ZNF554: variants seen among roughly 807,000 people sequenced by gnomAD.
ZNF554 encodes zinc finger protein 554.
In ZNF554, 15 loss-of-function variants were observed where a neutral mutation model predicts 21.2. That is an observed-to-expected ratio of 0.71 (90% CI 0.47 to 1.09). The LOEUF (loss-of-function observed/expected upper bound fraction) is 1.09, where lower values mean the gene tolerates loss of function less well. Ranked by LOEUF, ZNF554 falls within the 50% of genes least tolerant of loss-of-function variation. The probability of loss-of-function intolerance (pLI) is 0.00; values close to 1 mark genes in which losing one functional copy is unlikely to be tolerated. For synonymous variants in ZNF554, 258 were observed against 251.4 expected (o/e 1.03, Z -0.25); for missense variants, 691 against 662.7 (o/e 1.04, Z -0.47).
chr19:2,822,073 T>C (rs1022624623), intron 1 of ZNF554, among the ~76,000 whole-genome samples: 2 of 151,352 alleles, frequency 1.3e-5, no homozygotes, highest in African/African-American at 2.4e-5. Flanking sequence ...CTTTTTGAGA[T>C]AGAGTCTTGC....
rs554549026 is a variant in ZNF554 at position 2,828,092 on chromosome 19, G to T, written c.253+349G>T. Reference sequence around the variant, plus strand: ...ATCTCCCCCTGGCTCCACCCTTGACGTCGGGATTATTACAATTCAAGGTGA... The same window carrying T: ...ATCTCCCCCTGGCTCCACCCTTGACTTCGGGATTATTACAATTCAAGGTGA... On this transcript the variant is annotated intron_variant, in intron 3 of 4. Coordinates refer to ENST00000317243, the MANE Select transcript of ZNF554 (RefSeq NM_001102651.2). Among the ~76,000 whole-genome samples, 4 of 152,218 alleles carry T rather than the reference G, an allele frequency of 2.6e-5. No individual in the cohort carries two copies. The East Asian group carries it at 5.8e-4, about 22-fold the overall frequency.
chr19:2,827,113 A>G (rs1408901233), intron 2 of ZNF554, among the ~76,000 whole-genome samples: 1 of 152,204 alleles, frequency 6.6e-6, no homozygotes, highest in Non-Finnish European at 1.5e-5. Context: ...TCTTCTGACT[A>G]TGGCAATAGC....
intron 1 of ZNF554, 73 bp downstream of exon 1, chr19:2,820,197 C>T (rs754305402): frequency 5.8e-5 from 69 of 1,189,806 alleles, no homozygotes; most frequent in Non-Finnish European, 7.0e-5. Flanking sequence ...CTGGGTCTGG[C>T]GGGGCCGGGT....
At chr19:2,820,269 C>T in intron 1 of ZNF554, 145 bp downstream of exon 1, 3 of 765,442 alleles carry the variant, frequency 3.9e-6, no homozygotes, top group Non-Finnish European at 5.2e-6. Flanking sequence ...CGGCAGCTCG[C>T]CCAGGGCCCC....
chr19:2,827,693 A>G lies in ZNF554; in HGVS notation c.203A>G (p.Asn68Ser). The G allele has an allele frequency of 6.2e-7, 1 of 1,614,102 alleles. No individual in the cohort carries two copies. The highest frequency in any genetic ancestry group is 8.5e-7 in the Non-Finnish European group (1 of 1,179,982). Residue 68 changes from asparagine to serine, a missense_variant, in exon 3 of 5, where the codon AAC (asparagine) becomes AGC (serine). Asn to Ser is a conservative substitution (Grantham distance 46). Transcript: ENST00000317243. ...EWELLEPAQK[N>S]LYREVMLENY... is the part of the protein sequence containing the mutation. Reference sequence around the variant, plus strand: ...GAGTTGCTGGAGCCTGCTCAGAAGAACCTGTACAGAGAGGTGATGCTGGAG... The same window carrying G: ...GAGTTGCTGGAGCCTGCTCAGAAGAGCCTGTACAGAGAGGTGATGCTGGAG...
Position 2,832,353 on chromosome 19 carries a change from T to G in ZNF554, c.304T>G (p.Ser102Ala), listed in dbSNP as rs746328263. Residue 102 changes from serine (S) to alanine (A), a missense_variant, in exon 4 of 5, where the codon TCC (serine) becomes GCC (alanine). Transcript: ENST00000317243. ...TGTGGGGATTAAAGAGGGTCCACTT[T>G]CCCCAGCACAAACCTCACAAGTCAC... ...TDVGIKEGPL[S>A]PAQTSQVTSL... 6.2e-6 allele frequency: 10 copies of G among 1,612,888 alleles called. No homozygotes were observed. Among genetic ancestry groups the G allele is most frequent in the African/African-American group, 1.3e-5 (1 of 74,804 alleles).
At chr19:2,828,431 G>A (rs1270662039) in intron 3 of ZNF554, among the ~76,000 whole-genome samples, 1 of 152,192 alleles carries the variant, frequency 6.6e-6, no homozygotes, top group Non-Finnish European at 1.5e-5. Flanking sequence ...GGTGGCTCAT[G>A]CCTGTTATCC....
Position 2,828,864 on chromosome 19 carries a change from C to T in ZNF554, c.253+1121C>T, listed in dbSNP as rs543509538. Among the ~76,000 whole-genome samples the T allele has an allele frequency of 2.0e-5, 3 of 152,092 alleles. No individual in the cohort carries two copies. The East Asian group carries it at 5.8e-4, about 29-fold the overall frequency. ...CAGATCTCATGAGAACTCACTATCA[C>T]GAGAACAGCATGGGGGAACTGCCCC... On this transcript the variant is annotated intron_variant, in intron 3 of 4. Transcript: ENST00000317243.
At chr19:2,826,805 G>T (rs1413916940) in intron 2 of ZNF554, among the ~76,000 whole-genome samples, 1 of 152,036 alleles carries the variant, frequency 6.6e-6, no homozygotes, top group African/African-American at 2.4e-5. Context: ...AGGACTACAG[G>T]CGCCCGCCAT....
Position 2,833,869 on chromosome 19 carries a change from C to G in ZNF554, c.634C>G (p.Pro212Ala). ...QKASLHVVAV[P>A]QEKATAWHGF... The stretch of plus-strand genomic sequence containing the variant: ...GGCATCCCTTCACGTAGTGGCCGTT[C>G]CTCAGGAGAAGGCTACTGCATGGCA... The change falls in exon 5 of 5, where the codon CCT becomes GCT. Residue 212 changes from proline (P) to alanine (A), a missense_variant. By Grantham distance (27) the Pro-to-Ala change is conservative. Coordinates refer to ENST00000317243, the MANE Select transcript of ZNF554 (RefSeq NM_001102651.2). The G allele has an allele frequency of 1.2e-6, 2 of 1,613,046 alleles. No homozygotes were observed. Among genetic ancestry groups the G allele is most frequent in the Non-Finnish European group, 8.5e-7 (1 of 1,179,238 alleles).
intron 4 of ZNF554, 115 bp from the exon 5 acceptor site, chr19:2,833,566 A>C: frequency 1.2e-6 from 1 of 836,292 alleles, no homozygotes; most frequent in Non-Finnish European, 1.8e-6. Flanking sequence ...CAGAGTTGAT[A>C]TTTGAACATC....
chr19:2,832,145 CA>C, intron 3 of ZNF554, 157 bp from the exon 4 acceptor site: 1 of 576,886 alleles, frequency 1.7e-6, no homozygotes, highest in South Asian at 2.7e-5. Flanking sequence ...AGGCTGGTCT[CA>C]AACTCCTGAC....
chr19:2,823,176 A>G, intron 2 of ZNF554, 64 bp downstream of exon 2: 1 of 1,524,964 alleles, frequency 6.6e-7, no homozygotes, highest in East Asian at 2.3e-5. Context: ...CCCACCAGAA[A>G]CTCAGTCCTC....
chr19:2,836,261 CTGTGCTGGGATTA>C lies in ZNF554; in HGVS notation c.*1410_*1422del, dbSNP rs1599556306. On this transcript the variant is annotated 3_prime_UTR_variant, in exon 5 of 5. Transcript: ENST00000317243. ...GTGCTGGGATTACGGGCGTGAGCCA[CTGTGCTGGGATTA>C]CGGGCGCGAGCCACTGTGCTGGGAT... 6.6e-6 allele frequency among the ~76,000 whole-genome samples: 1 copy of C among 151,326 alleles called. No individual in the cohort carries two copies. Among genetic ancestry groups the C allele is most frequent in the Non-Finnish European group, 1.5e-5 (1 of 67,894 alleles).
chr19:2,822,951 A>C, intron 1 of ZNF554, 89 bp from the exon 2 acceptor site: 1 of 1,423,178 alleles, frequency 7.0e-7, no homozygotes, highest in Non-Finnish European at 9.6e-7. Context: ...GGGCCCCTTC[A>C]AGCAAATGGA....
At chr19:2,827,384 A>G (rs2087349457) in intron 2 of ZNF554, among the ~76,000 whole-genome samples, 1 of 152,224 alleles carries the variant, frequency 6.6e-6, no homozygotes, top group Admixed American at 6.5e-5. Flanking sequence ...AAAATGTTTC[A>G]TCCAGACCTG....
At chr19:2,828,022 C>G (rs10421103) in intron 3 of ZNF554, among the ~76,000 whole-genome samples, 1 of 151,842 alleles carries the variant, frequency 6.6e-6, no homozygotes. Context: ...TTATTCATTA[C>G]CACGAGAACA....
intron 2 of ZNF554, among the ~76,000 whole-genome samples, chr19:2,823,357 T>C (rs2087288299): frequency 6.6e-6 from 1 of 152,124 alleles, no homozygotes; most frequent in African/African-American, 2.4e-5. Flanking sequence ...TGTCAGTTTT[T>C]CTGGCTGGAA....
chr19:2,827,793 G>T (rs371034455), intron 3 of ZNF554, 50 bp downstream of exon 3: 3 of 1,608,392 alleles, frequency 1.9e-6, no homozygotes, highest in Non-Finnish European at 2.6e-6. Flanking sequence ...CATTTATCTG[G>T]TGTATTAGTC....
Sources: gnomAD v4.1 joint callset for allele counts (sites outside exome capture counted in the v4.1 genomes callset) on GRCh38, gnomAD v4.1.1 for gene constraint, MANE v1.5 for transcripts, NCBI Gene and HGNC (gene_info 2026-07-23, HGNC 2026-07-21) for gene names.